The following WNT2B variants were observed in gnomAD, a reference collection of about 807,000 sequenced individuals.
The protein encoded by WNT2B is Wnt family member 2B, also known as protein Wnt-2b.
WNT2B carries 19 observed loss-of-function variants against 40.5 expected under a neutral mutation model. The observed-to-expected ratio is 0.47, with a 90% confidence interval of 0.33 to 0.69. WNT2B has a LOEUF of 0.69. Among genes scored for constraint, WNT2B ranks in the 30% least tolerant of loss-of-function variants. The pLI, the probability that WNT2B is intolerant of heterozygous loss-of-function variation, is 0.02. For missense variants in WNT2B, 467 were observed against 556.4 expected (o/e 0.84, Z 1.62); for synonymous variants, 220 against 211.9 (o/e 1.04, Z -0.33).
chr1:112,482,886 C>T (rs528462391), intron 1 of WNT2B, among the ~76,000 whole-genome samples: 27 of 152,216 alleles, frequency 1.8e-4, no homozygotes, highest in South Asian at 8.3e-4. Flanking sequence ...ACAGATTTAA[C>T]GCCATCCCTA....
At chr1:112,497,468 G>T (rs1396358963) in intron 1 of WNT2B, among the ~76,000 whole-genome samples, 1 of 152,208 alleles carries the variant, frequency 6.6e-6, no homozygotes, top group Non-Finnish European at 1.5e-5. Flanking sequence ...ACATAGCAAA[G>T]ATTTTAAATG....
chr1:112,510,787 T>C (rs1479550845), intron 1 of WNT2B, among the ~76,000 whole-genome samples: 1 of 151,962 alleles, frequency 6.6e-6, no homozygotes, highest in Non-Finnish European at 1.5e-5. Context: ...ATCTTACATC[T>C]GGCTTGAAAC....
chr1:112,497,876 C>T (rs1007811418), intron 1 of WNT2B, among the ~76,000 whole-genome samples: 4 of 151,968 alleles, frequency 2.6e-5, no homozygotes, highest in African/African-American at 9.7e-5. Context: ...CACTTTGCTG[C>T]TTAGCTATTC....
chr1:112,483,225 T>TAC (rs1295309906), intron 1 of WNT2B, among the ~76,000 whole-genome samples: 137 of 110,516 alleles, frequency 1.2e-3, no homozygotes, highest in South Asian at 3.6e-3. Context: ...CACACACATA[T>TAC]ACACACACAC....
At chr1:112,469,806 G>T (rs147847575) in intron 1 of WNT2B, among the ~76,000 whole-genome samples, 1,873 of 152,116 alleles carry the variant, frequency 0.012, 41 homozygotes, top group Middle Eastern at 0.037. Context: ...TAGAGATGGG[G>T]TTTCACCGTG....
chr1:112,516,622 T>C (rs998300584), intron 3 of WNT2B, among the ~76,000 whole-genome samples: 2 of 152,144 alleles, frequency 1.3e-5, no homozygotes, highest in Non-Finnish European at 2.9e-5. Flanking sequence ...AGTCTTCACA[T>C]AGGTGGAAAG....
Position 112,530,013 on chromosome 1 carries a change from A to AT in WNT2B, c.*9505dup, listed in dbSNP as rs1654114227. ...GACCTCTGAATTAGAAGATGCCATC[A>AT]TGCAACTAACTTACTATCTGGAGAT... On this transcript the variant is annotated 3_prime_UTR_variant, in exon 5 of 5. Coordinates refer to ENST00000369684, the MANE Select transcript of WNT2B (RefSeq NM_024494.3). 2 of 152,360 alleles carry AT rather than the reference A, an allele frequency of 1.3e-5. No homozygotes were observed. Among genetic ancestry groups the AT allele is most frequent in the Non-Finnish European group, 2.9e-5 (2 of 68,032 alleles). The allele number at this position is 152,360 out of a possible 1,614,324, so 9.4% of individuals were successfully genotyped here. A position where few individuals can be genotyped will look rare whatever the true frequency, so the allele number is the denominator to read the frequency against.
chr1:112,489,306 C>T (rs1420916100), intron 1 of WNT2B, among the ~76,000 whole-genome samples: 1 of 151,858 alleles, frequency 6.6e-6, no homozygotes, highest in African/African-American at 2.4e-5. Context: ...CACCTTTAAT[C>T]CCAGCACTTT....
chr1:112,487,702 GC>G lies in WNT2B; in HGVS notation c.-95+20112del, dbSNP rs538806515. Among the ~76,000 whole-genome samples, 125 of 152,290 alleles carry G rather than the reference GC, an allele frequency of 8.2e-4. 2 individuals are homozygous for G. The South Asian group carries it at 0.018, about 21-fold the overall frequency. ...AATCCCAACACTTTGGGAGGCTGAAGCGGGTGGATTGCTTGAGGTCAGGAGT... is the reference window on the plus strand; with the variant it reads ...AATCCCAACACTTTGGGAGGCTGAAGGGGTGGATTGCTTGAGGTCAGGAGT... On this transcript the variant is annotated intron_variant, in intron 1 of 4. Coordinates refer to the WNT2B transcript ENST00000256640.
At chr1:112,479,785 A>G (rs1309782169) in intron 1 of WNT2B, among the ~76,000 whole-genome samples, 1 of 151,772 alleles carries the variant, frequency 6.6e-6, no homozygotes, top group African/African-American at 2.4e-5. Context: ...ATCTCTGCTC[A>G]CTGCAAGCTC....
chr1:112,488,574 TAG>T lies in WNT2B; in HGVS notation c.-95+20986_-95+20987del, dbSNP rs1455960596. Among the ~76,000 whole-genome samples, 7 of 148,880 alleles carry T rather than the reference TAG, an allele frequency of 4.7e-5. No homozygotes were observed. The East Asian group carries it at 9.9e-4, about 21-fold the overall frequency. ...TACTGTTTTTTTTTTTTTTTTGAGA[TAG>T]AGTCTCGCTCTGTCGCCCATGCTGG... On this transcript the variant is annotated intron_variant, in intron 1 of 4. Coordinates refer to the WNT2B transcript ENST00000256640.
chr1:112,517,461 C>T (rs1652616179), intron 4 of WNT2B, 76 bp downstream of exon 4: 2 of 1,511,936 alleles, frequency 1.3e-6, no homozygotes, highest in Admixed American at 4.0e-5. Flanking sequence ...ATGGTCTGTT[C>T]AGTCTCAGGA....
At chr1:112,490,643 C>G (rs1362508969) in intron 1 of WNT2B, among the ~76,000 whole-genome samples, 2 of 152,006 alleles carry the variant, frequency 1.3e-5, no homozygotes, top group Non-Finnish European at 2.9e-5. Context: ...GCGCCCATCA[C>G]CACACCCGGC....
chr1:112,467,272 G>C, exon 1 of WNT2B: 1 of 480,294 alleles, frequency 2.1e-6, no homozygotes, highest in South Asian at 2.9e-5. Flanking sequence ...ACAGGAAAGG[G>C]CATGGTCTGC....
At position 112,523,880 on chromosome 1, in the gene WNT2B, C is replaced by G. The variant is rs1653022086; in HGVS notation, c.*3371C>G. ...TTTAATGTAAAAGTAAGAATGCCAG[C>G]CTTAACCTAGCCCTGCAGATAAAAG... On this transcript the variant is annotated 3_prime_UTR_variant, in exon 5 of 5. Coordinates refer to ENST00000369684, the MANE Select transcript of WNT2B (RefSeq NM_024494.3). 6.6e-6 allele frequency: 1 copy of G among 151,902 alleles called. No individual in the cohort carries two copies. Among genetic ancestry groups the G allele is most frequent in the South Asian group, 2.1e-4 (1 of 4,812 alleles). 9.4% of individuals were successfully genotyped at this position (151,902 alleles called of 1,614,324 possible).
intron 1 of WNT2B, among the ~76,000 whole-genome samples, chr1:112,478,727 C>A (rs955018925): frequency 1.3e-5 from 2 of 152,048 alleles, no homozygotes; most frequent in Non-Finnish European, 2.9e-5. Context: ...TTGAGACCAG[C>A]CTGGGCAACA....
intron 1 of WNT2B, among the ~76,000 whole-genome samples, chr1:112,493,655 G>T (rs999866499): frequency 2.0e-5 from 3 of 151,696 alleles, no homozygotes; most frequent in Non-Finnish European, 4.4e-5. Context: ...GAAAAGCAAA[G>T]AGAAAAAAGA....
At chr1:112,484,272 C>CATATATATATATATATATATACACAT in intron 1 of WNT2B, among the ~76,000 whole-genome samples, 1 of 123,282 alleles carries the variant, frequency 8.1e-6, no homozygotes, top group East Asian at 2.2e-4. Flanking sequence ...TATATATACA[C>CATATATATATATATATATATACACAT]ATATATATAT....
At chr1:112,505,059 T>A (rs1438592024), upstream of WNT2B, among the ~76,000 whole-genome samples, 1 of 152,192 alleles carries the variant, frequency 6.6e-6, no homozygotes, top group South Asian at 2.1e-4. Flanking sequence ...GAGCAGAGCA[T>A]AAGGTGACAT....
Sources: allele counts gnomAD v4.1 joint callset (sites outside exome capture counted in the v4.1 genomes callset), GRCh38; gene constraint gnomAD v4.1.1; transcripts MANE v1.5; gene names NCBI Gene and HGNC (gene_info 2026-07-23, HGNC 2026-07-21).